The following PTPRN2 variants were observed in gnomAD, a reference collection of about 807,000 sequenced individuals.
The protein encoded by PTPRN2 is receptor-type tyrosine-protein phosphatase N2.
PTPRN2 carries 74 observed loss-of-function variants against 118.8 expected under a neutral mutation model. The ratio of observed to expected loss-of-function variants is 0.62; its 90% CI spans 0.52 to 0.76. PTPRN2 has a LOEUF of 0.76. PTPRN2 is among the 30% of genes least tolerant of loss of function. The probability of loss-of-function intolerance (pLI) is 0.00; values close to 1 mark genes in which losing one functional copy is unlikely to be tolerated. For missense variants in PTPRN2, 1,481 were observed against 1,394.4 expected (o/e 1.06, Z -0.99); for synonymous variants, 641 against 608.0 (o/e 1.05, Z -0.80).
chr7:157,716,585 C>T (rs1192018839), intron 12 of PTPRN2, among the ~76,000 whole-genome samples: 1 of 70,082 alleles, frequency 1.4e-5, no homozygotes, highest in Non-Finnish European at 2.6e-5. Context: ...CACGTAGACT[C>T]TGCGGGAACA....
At chr7:157,921,340 C>A (rs1798682222) in intron 11 of PTPRN2, among the ~76,000 whole-genome samples, 1 of 152,132 alleles carries the variant, frequency 6.6e-6, no homozygotes, top group Non-Finnish European at 1.5e-5. Flanking sequence ...GAGAGAGGTA[C>A]CAGCAGAGCA....
intron 12 of PTPRN2, among the ~76,000 whole-genome samples, chr7:157,775,453 T>G (rs887616804): frequency 1.3e-5 from 2 of 152,210 alleles, no homozygotes; most frequent in African/African-American, 2.4e-5. Context: ...AACAAACCCT[T>G]GCAGTTCAAC....
At chr7:158,056,393 A>G (rs1432559673) in intron 11 of PTPRN2, among the ~76,000 whole-genome samples, 1 of 152,244 alleles carries the variant, frequency 6.6e-6, no homozygotes, top group Non-Finnish European at 1.5e-5. Flanking sequence ...GTGCTCAAAC[A>G]GTGGGTGCTC....
At chr7:158,327,391 A>C (rs1309424911) in intron 2 of PTPRN2, among the ~76,000 whole-genome samples, 1 of 151,040 alleles carries the variant, frequency 6.6e-6, no homozygotes. Context: ...ACATGCACAC[A>C]CATGCTCACA....
At chr7:157,994,020 G>A (rs1417681709) in intron 11 of PTPRN2, among the ~76,000 whole-genome samples, 1 of 152,142 alleles carries the variant, frequency 6.6e-6, no homozygotes, top group Non-Finnish European at 1.5e-5. Context: ...CTGAGCTGTG[G>A]CTTGAATAAT....
At chr7:157,644,880 A>G (rs982056467) in intron 14 of PTPRN2, among the ~76,000 whole-genome samples, 2 of 152,080 alleles carry the variant, frequency 1.3e-5, no homozygotes, top group African/African-American at 4.8e-5. Context: ...AATCCTATGC[A>G]CGATTTCCAC....
At chr7:157,923,787 C>T (rs1228555087) in intron 11 of PTPRN2, among the ~76,000 whole-genome samples, 4 of 152,082 alleles carry the variant, frequency 2.6e-5, no homozygotes, top group South Asian at 2.1e-4. Context: ...TTTCAGGAAT[C>T]GACAGTGTTA....
At chr7:158,194,160 TGTGA>T (rs1327238259) in intron 4 of PTPRN2, among the ~76,000 whole-genome samples, 4 of 152,026 alleles carry the variant, frequency 2.6e-5, no homozygotes, top group Non-Finnish European at 5.9e-5. Flanking sequence ...TGTGTGAGTG[TGTGA>T]GGGGTGTGAG....
At chr7:158,405,590 C>G (rs1197467306) in intron 2 of PTPRN2, among the ~76,000 whole-genome samples, 2 of 152,224 alleles carry the variant, frequency 1.3e-5, no homozygotes, top group South Asian at 4.1e-4. Flanking sequence ...TTTACTGCAG[C>G]AAGAGACGAT....
At chr7:157,842,179 C>A (rs572886827) in intron 12 of PTPRN2, among the ~76,000 whole-genome samples, 1 of 152,216 alleles carries the variant, frequency 6.6e-6, no homozygotes, top group South Asian at 2.1e-4. Flanking sequence ...CCCCTTTGTG[C>A]GTGGGGCTGT....
At chr7:158,466,335 C>A (rs1819384010) in intron 2 of PTPRN2, among the ~76,000 whole-genome samples, 1 of 152,164 alleles carries the variant, frequency 6.6e-6, no homozygotes, top group South Asian at 2.1e-4. Context: ...CCCCCCAAAC[C>A]ATAACCAGCT....
chr7:157,755,717 A>G (rs1330822798), intron 12 of PTPRN2, among the ~76,000 whole-genome samples: 4 of 151,706 alleles, frequency 2.6e-5, no homozygotes, highest in Non-Finnish European at 5.9e-5. Context: ...GACACTGGGG[A>G]CCCCCAGAGG....
At chr7:158,399,938 G>A (rs907015014) in intron 2 of PTPRN2, among the ~76,000 whole-genome samples, 2 of 152,176 alleles carry the variant, frequency 1.3e-5, no homozygotes, top group African/African-American at 4.8e-5. Context: ...CCCACAGGGA[G>A]CGAAGCTGGG....
At chr7:158,318,147 G>A (rs1219064414) in intron 2 of PTPRN2, among the ~76,000 whole-genome samples, 1 of 152,116 alleles carries the variant, frequency 6.6e-6, no homozygotes, top group Non-Finnish European at 1.5e-5. Context: ...TGCAGAGCCC[G>A]GCGCCCCCCA....
intron 11 of PTPRN2, among the ~76,000 whole-genome samples, chr7:158,068,175 C>G (rs1026098563): frequency 2.0e-5 from 3 of 152,222 alleles, no homozygotes; most frequent in Non-Finnish European, 4.4e-5. Context: ...GCAGAGCAGG[C>G]CAGAGCGTGG....
chr7:158,163,196 A>G (rs569277745), intron 6 of PTPRN2, among the ~76,000 whole-genome samples: 18 of 152,244 alleles, frequency 1.2e-4, no homozygotes, highest in African/African-American at 1.7e-4. Context: ...CGGGGTTCTC[A>G]ATATTCTCTG....
intron 2 of PTPRN2, among the ~76,000 whole-genome samples, chr7:158,332,553 T>A (rs571052992): frequency 1.3e-5 from 2 of 151,680 alleles, no homozygotes; most frequent in African/African-American, 4.9e-5. Flanking sequence ...ACTCTCACCA[T>A]AAGAGGTGAC....
At chr7:157,910,705 C>CAT (rs1554489533) in intron 11 of PTPRN2, among the ~76,000 whole-genome samples, 1 of 151,282 alleles carries the variant, frequency 6.6e-6, no homozygotes, top group Admixed American at 6.6e-5. Context: ...CGGCAGGGCA[C>CAT]GTGTGTGTGT....
At chr7:157,698,788 T>A (rs1241502261) in intron 12 of PTPRN2, among the ~76,000 whole-genome samples, 2 of 152,234 alleles carry the variant, frequency 1.3e-5, no homozygotes, top group Non-Finnish European at 2.9e-5. Context: ...ATTTACAGAA[T>A]AATGCCATAA....
Sources: gnomAD v4.1 joint callset for allele counts (sites outside exome capture counted in the v4.1 genomes callset) on GRCh38, gnomAD v4.1.1 for gene constraint, MANE v1.5 for transcripts, NCBI Gene and HGNC (gene_info 2026-07-23, HGNC 2026-07-21) for gene names.